Variants in SEMA7A observed in about 807,000 individuals in gnomAD.
SEMA7A encodes the protein semaphorin-7A.
Under a neutral mutation model 67.5 loss-of-function variants are expected in SEMA7A, and 21 were observed. That is an observed-to-expected ratio of 0.31 (90% CI 0.22 to 0.45). The LOEUF (loss-of-function observed/expected upper bound fraction) is 0.45. SEMA7A is among the 20% of genes least tolerant of loss of function. The pLI is 1.00. For missense variants in SEMA7A, 774 were observed against 908.6 expected, an observed-to-expected ratio of 0.85 and a Z score of 1.90; for synonymous variants, 364 against 368.5, an observed-to-expected ratio of 0.99 and a Z score of 0.14.
intron 1 of SEMA7A, among the ~76,000 whole-genome samples, chr15:74,428,849 G>A (rs28362872): frequency 0.13 from 19,165 of 152,264 alleles, 2,078 homozygotes; most frequent in East Asian, 0.44. Context: ...CATACCATTC[G>A]GGGCAGAGAG....
At chr15:74,430,262 CCT>C (rs1360805588) in intron 1 of SEMA7A, among the ~76,000 whole-genome samples, 1 of 152,142 alleles carries the variant, frequency 6.6e-6, no homozygotes, top group Non-Finnish European at 1.5e-5. Flanking sequence ...AAGGGTTTCC[CCT>C]GACTTCCCAG....
chr15:74,419,467 A>C (rs28362905), intron 1 of SEMA7A, among the ~76,000 whole-genome samples: 1,637 of 151,826 alleles, frequency 0.011, 22 homozygotes, highest in South Asian at 0.05. Context: ...AATGCTCAGA[A>C]CCCCTTCTCC....
chr15:74,427,649 A>G (rs2061054239), intron 1 of SEMA7A, among the ~76,000 whole-genome samples: 1 of 152,114 alleles, frequency 6.6e-6, no homozygotes, highest in Non-Finnish European at 1.5e-5. Flanking sequence ...ATAGCTGTCT[A>G]TGCTGCACTC....
chr15:74,419,271 C>A (rs1384603401), intron 1 of SEMA7A, among the ~76,000 whole-genome samples: 1 of 152,156 alleles, frequency 6.6e-6, no homozygotes, highest in Non-Finnish European at 1.5e-5. Context: ...GGGGAACAGA[C>A]CCCCTCCTCT....
rs1038151201 is a variant in SEMA7A, at chr15:74,419,031, C to A, written c.179-79G>T. Reference sequence around the variant, plus strand: ...CTCTGGGTCCCCTCCACATGGCACACTGGAACCAGTGCTTGGTGCTCAGGG... The same window carrying A: ...CTCTGGGTCCCCTCCACATGGCACAATGGAACCAGTGCTTGGTGCTCAGGG... On this transcript the variant is annotated intron_variant, in intron 1 of 13. Coordinates refer to ENST00000261918, the MANE Select transcript of SEMA7A (RefSeq NM_003612.5). 4.0e-6 allele frequency: 6 copies of A among 1,503,866 alleles called. No individual in the cohort carries two copies. The African/African-American group carries it at 5.5e-5, about 14-fold the overall frequency. The allele number at this position is 1,503,866 out of a possible 1,614,324, so 93.2% of individuals were successfully genotyped here.
chr15:74,417,866 A>G lies in SEMA7A; in HGVS notation c.465+11T>C. 1 of 1,613,250 alleles carries G rather than the reference A, an allele frequency of 6.2e-7. No individual in the cohort carries two copies. ...TGAGCTGATCAGGCACATGGGGAGC[A>G]GCCTTCTCACCAGGTTCCAGCAGCT... On this transcript the variant is annotated intron_variant, in intron 4 of 13. Transcript: ENST00000261918.
intron 10 of SEMA7A, among the ~76,000 whole-genome samples, chr15:74,413,395 C>G (rs989495429): frequency 1.3e-5 from 2 of 152,228 alleles, no homozygotes; most frequent in African/African-American, 4.8e-5. Flanking sequence ...CTCCACTGCC[C>G]TTAGAACGAA....
At chr15:74,429,103 G>C (rs957358091) in intron 1 of SEMA7A, among the ~76,000 whole-genome samples, 1 of 152,186 alleles carries the variant, frequency 6.6e-6, no homozygotes, top group Non-Finnish European at 1.5e-5. Context: ...CATGGCGAAG[G>C]AAGGCTCCTG....
chr15:74,422,752 CCAG>C (rs1209454391), intron 1 of SEMA7A, among the ~76,000 whole-genome samples: 2 of 152,256 alleles, frequency 1.3e-5, no homozygotes, highest in African/African-American at 2.4e-5. Context: ...GATCACCACC[CCAG>C]CAGCTGACCG....
rs148048976 is a variant in SEMA7A at position 74,411,272 on chromosome 15, G to A, written c.1639+23C>T. 240 of 1,611,320 alleles carry A rather than the reference G, an allele frequency of 1.5e-4. 1 individual carries two copies. The highest frequency in any genetic ancestry group is 1.8e-4 in the Non-Finnish European group (217 of 1,178,298). On this transcript the variant is annotated intron_variant, in intron 13 of 13. Coordinates refer to ENST00000261918, the MANE Select transcript of SEMA7A (RefSeq NM_003612.5). This position sits in a 1 kb window ranked among gnomAD's most constrained non-coding sequence, Gnocchi z 4.4. ...GTACCCCACTCATTGGGCCACAGCC[G>A]CCAGCAGGGCCAGATCAGGTACCTG...
intron 1 of SEMA7A, among the ~76,000 whole-genome samples, chr15:74,433,098 C>A (rs2061104353): frequency 6.6e-6 from 1 of 152,118 alleles, no homozygotes; most frequent in South Asian, 2.1e-4. Flanking sequence ...AAGGGGGGAG[C>A]GGCCGGTCCC....
At chr15:74,433,657 C>A in intron 1 of SEMA7A, 84 bp downstream of exon 1, 1 of 1,315,588 alleles carries the variant, frequency 7.6e-7, no homozygotes, top group Middle Eastern at 2.9e-4. Flanking sequence ...TGCGCGCACG[C>A]ACTCCCTCCG....
At chr15:74,418,765 G>A in intron 2 of SEMA7A, 36 bp downstream of exon 2, 1 of 1,606,046 alleles carries the variant, frequency 6.2e-7, no homozygotes, top group Non-Finnish European at 8.5e-7. Context: ...GGAGATAAGA[G>A]GGTAGGGGGG....
chr15:74,421,083 C>T (rs758068046), intron 1 of SEMA7A, among the ~76,000 whole-genome samples: 1 of 152,202 alleles, frequency 6.6e-6, no homozygotes, highest in African/African-American at 2.4e-5. Flanking sequence ...TGGGTGGGGG[C>T]ACCCTGGTCT....
intron 1 of SEMA7A, among the ~76,000 whole-genome samples, chr15:74,420,711 C>G (rs767462195): frequency 6.6e-6 from 1 of 152,170 alleles, no homozygotes; most frequent in Non-Finnish European, 1.5e-5. Flanking sequence ...CTTCCTGACT[C>G]AGCTCCCGTA....
Position 74,411,017 on chromosome 15 carries a change from A to G in SEMA7A, c.1640-32T>C, listed in dbSNP as rs1345973319. 12 of 1,590,850 alleles carry G rather than the reference A, an allele frequency of 7.5e-6. No homozygotes were observed. The highest frequency in any genetic ancestry group is 9.4e-6 in the Non-Finnish European group (11 of 1,168,492). ...AGGCAGTGGGGAAGCAGCCGTGAGG[A>G]GGGACAAAGAGCTCCCAGGGGAGGA... On this transcript the variant is annotated intron_variant, in intron 13 of 13. Coordinates refer to ENST00000261918, the MANE Select transcript of SEMA7A (RefSeq NM_003612.5). The surrounding 1 kb of genome is among the most constrained non-coding windows in gnomAD (Gnocchi z 4.4).
At position 74,410,836 on chromosome 15, in the gene SEMA7A, T is replaced by C; in HGVS notation, c.1789A>G (p.Ile597Val). The C allele has an allele frequency of 6.2e-7, 1 of 1,614,220 alleles. No individual in the cohort carries two copies. The highest frequency in any genetic ancestry group is 1.1e-5 in the South Asian group (1 of 91,086). ...CEPGHQSPNCILFIENLTAQQ... is the reference protein window; with the variant it reads ...CEPGHQSPNCVLFIENLTAQQ... ...GCCGTGAGGTTCTCGATGAACAGGA[T>C]GCAGTTGGGGCTCTGGTGACCAGGT... The change falls in exon 14 of 14, where the codon ATC becomes GTC. Residue 597 changes from isoleucine to valine, a missense_variant. By Grantham distance (29) the Ile-to-Val change is conservative. Coordinates refer to ENST00000261918, the MANE Select transcript of SEMA7A (RefSeq NM_003612.5). This position sits in a 1 kb window ranked among gnomAD's most constrained non-coding sequence, Gnocchi z 7.5.
intron 1 of SEMA7A, among the ~76,000 whole-genome samples, chr15:74,424,770 C>T (rs2061029767): frequency 6.6e-6 from 1 of 152,198 alleles, no homozygotes; most frequent in Non-Finnish European, 1.5e-5. Context: ...ATGCCCTGAG[C>T]CCACGCCCAG....
Position 74,418,838 on chromosome 15 carries a change from A to G in SEMA7A, c.293T>C (p.Phe98Ser). Reference sequence around the variant, plus strand: ...TGCGTTCTTGCCCTCGGGGAAGTCAAAGAGGTAGACCTTGCCACGTCCTCC... The same window carrying G: ...TGCGTTCTTGCCCTCGGGGAAGTCAGAGAGGTAGACCTTGCCACGTCCTCC... ...WVGGRGKVYL[F>S]DFPEGKNASV... is the part of the protein sequence containing the mutation. The change falls in exon 2 of 14, where the codon TTT (phenylalanine) becomes TCT (serine). Residue 98 changes from phenylalanine (F) to serine (S), a missense_variant. By Grantham distance (155) the Phe-to-Ser change is radical. This residue lies in a region of SEMA7A where 347 missense variants were observed against 353.2 expected (regional missense o/e 0.98). Transcript: ENST00000261918. The G allele has an allele frequency of 6.2e-7, 1 of 1,613,918 alleles. No individual in the cohort carries two copies. Among genetic ancestry groups the G allele is most frequent in the South Asian group, 1.1e-5 (1 of 91,088 alleles).
Sources: allele counts gnomAD v4.1 joint callset (sites outside exome capture counted in the v4.1 genomes callset), GRCh38; gene constraint gnomAD v4.1.1; regional missense constraint gnomAD v4.1.1; non-coding constraint Gnocchi (gnomAD v3.1); transcripts MANE v1.5; gene names NCBI Gene and HGNC (gene_info 2026-07-23, HGNC 2026-07-21).